ADCY5: variants seen among roughly 807,000 people sequenced by gnomAD.
ADCY5 encodes adenylate cyclase 5, also known as adenylate cyclase type 5.
A neutral mutation model predicts 119.7 loss-of-function variants in ADCY5; 30 were observed. The observed-to-expected ratio is 0.25, with a 90% CI of 0.19 to 0.34. The LOEUF is 0.34. Ranked by LOEUF, ADCY5 falls within the 10% of genes least tolerant of loss-of-function variation. ADCY5 has a pLI of 1.00. For missense variants in ADCY5, 1,324 were observed against 1,775.2 expected, an observed-to-expected ratio of 0.75 and a Z score of 4.57; for synonymous variants, 753 against 762.2, an observed-to-expected ratio of 0.99 and a Z score of 0.20.
At chr3:123,396,092 G>GAGGGAGAGAGGGAGGGAGGGAGAA (rs1944553067) in intron 1 of ADCY5, among the ~76,000 whole-genome samples, 2 of 56,566 alleles carry the variant, frequency 3.5e-5, no homozygotes, top group African/African-American at 7.3e-5. Flanking sequence ...GGGAAGGAGG[G>GAGGGAGAGAGGGAGGGAGGGAGAA]AGGGAAGGAA....
At chr3:123,317,422 G>A (rs537895374) in intron 11 of ADCY5, among the ~76,000 whole-genome samples, 12 of 151,678 alleles carry the variant, frequency 7.9e-5, no homozygotes, top group Non-Finnish European at 1.5e-4. Context: ...TTAATGGGAC[G>A]AGACAATTAA....
At chr3:123,345,261 T>G (rs1300566958) in intron 3 of ADCY5, among the ~76,000 whole-genome samples, 3 of 152,122 alleles carry the variant, frequency 2.0e-5, no homozygotes, top group Admixed American at 6.5e-5. Context: ...GAAGAGATGG[T>G]GAGAGAGGGC....
intron 12 of ADCY5, among the ~76,000 whole-genome samples, chr3:123,308,028 C>T (rs867498087): frequency 1.2e-4 from 10 of 85,660 alleles, no homozygotes; most frequent in Admixed American, 1.7e-4. Context: ...TTTTCATGCT[C>T]TTTTTTTTTT....
chr3:123,365,921 C>CA (rs1181239632), intron 1 of ADCY5, among the ~76,000 whole-genome samples: 6 of 152,122 alleles, frequency 3.9e-5, no homozygotes, highest in Non-Finnish European at 4.4e-5. Flanking sequence ...TAAATGAGGA[C>CA]AGCACCGTAC....
intron 2 of ADCY5, among the ~76,000 whole-genome samples, chr3:123,350,125 C>T (rs1365250938): frequency 6.6e-6 from 1 of 152,214 alleles, no homozygotes; most frequent in African/African-American, 2.4e-5. Flanking sequence ...TGGCATCACC[C>T]TCCTCCTCCG....
intron 1 of ADCY5, among the ~76,000 whole-genome samples, chr3:123,389,677 CT>C (rs1944345573): frequency 6.6e-6 from 1 of 152,104 alleles, no homozygotes; most frequent in Non-Finnish European, 1.5e-5. Flanking sequence ...GAGAGGGACA[CT>C]AACCCTGAGG....
chr3:123,416,192 G>T (rs1945181635), intron 1 of ADCY5: 1 of 1,535,952 alleles, frequency 6.5e-7, no homozygotes, highest in South Asian at 1.2e-5. Flanking sequence ...ACCCTCCGTG[G>T]GGCCCATTCT....
chr3:123,317,317 T>A (rs1940964421), intron 11 of ADCY5, among the ~76,000 whole-genome samples: 1 of 142,816 alleles, frequency 7.0e-6, no homozygotes, highest in South Asian at 2.3e-4. Flanking sequence ...GTAGAAAACC[T>A]GCATCTTTTG....
At chr3:123,418,633 G>A (rs1945235233) in intron 1 of ADCY5, 1 of 152,170 alleles carries the variant, frequency 6.6e-6, no homozygotes, top group Admixed American at 6.5e-5. Context: ...ACTACCAGAA[G>A]AACAGCACCA....
intron 17 of ADCY5, among the ~76,000 whole-genome samples, chr3:123,291,656 G>A (rs370534719): frequency 1.7e-4 from 26 of 152,250 alleles, no homozygotes; most frequent in Non-Finnish European, 2.8e-4. Context: ...GCAGCAGGGA[G>A]CCCCGAGCAG....
chr3:123,437,652 G>T (rs1371457958), intron 1 of ADCY5, among the ~76,000 whole-genome samples: 1 of 152,190 alleles, frequency 6.6e-6, no homozygotes, highest in South Asian at 2.1e-4. Flanking sequence ...TAAGCTACAG[G>T]TTATCATCAA....
At chr3:123,426,314 G>GTT (rs10663844) in intron 1 of ADCY5, among the ~76,000 whole-genome samples, 113,275 of 142,648 alleles carry the variant, frequency 0.79, 44,850 homozygotes, top group East Asian at 0.95. Flanking sequence ...TTTTTTGTTT[G>GTT]TTTTTGTTTG....
chr3:123,284,760 G>C, intron 20 of ADCY5, 24 bp from the exon 21 acceptor site: 1 of 1,613,688 alleles, frequency 6.2e-7, no homozygotes, highest in Non-Finnish European at 8.5e-7. Context: ...GGAGGAGAGA[G>C]GGCAAGCCAC....
At chr3:123,370,861 T>C (rs1303594475) in intron 1 of ADCY5, among the ~76,000 whole-genome samples, 1 of 151,674 alleles carries the variant, frequency 6.6e-6, no homozygotes, top group South Asian at 2.1e-4. Flanking sequence ...TCCCACCACG[T>C]GCTCTGGGGC....
intron 11 of ADCY5, among the ~76,000 whole-genome samples, chr3:123,316,544 C>T (rs535325642): frequency 3.3e-5 from 5 of 152,340 alleles, no homozygotes; most frequent in East Asian, 3.8e-4. Context: ...GAATCCCTCT[C>T]GGCTACTTTT....
intron 20 of ADCY5, among the ~76,000 whole-genome samples, chr3:123,285,689 CAG>C (rs1200969062): frequency 1.2e-4 from 18 of 152,222 alleles, no homozygotes; most frequent in African/African-American, 4.3e-4. Flanking sequence ...GGTGGCTGCT[CAG>C]AGAGTCCCTT....
intron 13 of ADCY5, 31 bp from the exon 14 acceptor site, chr3:123,303,250 G>A: frequency 6.2e-7 from 1 of 1,603,912 alleles, no homozygotes; most frequent in Non-Finnish European, 8.5e-7. Flanking sequence ...GATGAGGGGA[G>A]GGTAAGCTGC....
intron 1 of ADCY5, among the ~76,000 whole-genome samples, chr3:123,396,869 T>C (rs1944611218): frequency 7.5e-6 from 1 of 134,158 alleles, no homozygotes; most frequent in Non-Finnish European, 1.6e-5. Context: ...CATACCACAG[T>C]GGATCACGGG....
chr3:123,282,964 A>G lies in ADCY5; in HGVS notation c.*1644T>C, dbSNP rs923511723. ...ATTCCACTGAATTCTGTGCTAGAGT[A>G]TCATTTTCCAAATGTCTTCCTCATA... On this transcript the variant is annotated 3_prime_UTR_variant, in exon 21 of 21. Coordinates refer to ENST00000462833, the MANE Select transcript of ADCY5 (RefSeq NM_183357.3). 2.6e-5 allele frequency: 4 copies of G among 152,234 alleles called. No individual in the cohort carries two copies. Among genetic ancestry groups the G allele is most frequent in the Non-Finnish European group, 5.9e-5 (4 of 68,044 alleles). 9.4% of individuals were successfully genotyped at this position (152,234 alleles called of 1,614,324 possible). A position where few individuals can be genotyped will look rare whatever the true frequency, so the allele number is the denominator to read the frequency against.
Sources: allele counts gnomAD v4.1 joint callset (sites outside exome capture counted in the v4.1 genomes callset), GRCh38; gene constraint gnomAD v4.1.1; transcripts MANE v1.5; gene names NCBI Gene and HGNC (gene_info 2026-07-23, HGNC 2026-07-21).